PLXDC2: variants seen among roughly 807,000 people sequenced by gnomAD.
The protein encoded by PLXDC2 is plexin domain-containing protein 2.
Under a neutral mutation model 68.9 loss-of-function variants are expected in PLXDC2, and 40 were observed. The observed-to-expected ratio is 0.58, with a 90% CI of 0.45 to 0.76. The LOEUF is 0.76. PLXDC2 is among the 30% of genes least tolerant of loss of function. PLXDC2 has a pLI of 0.00. For synonymous variants in PLXDC2, 243 were observed against 234.2 expected (o/e 1.04, Z -0.34); for missense variants, 644 against 661.9 (o/e 0.97, Z 0.30).
At chr10:20,028,185 G>C (rs770116829) in intron 2 of PLXDC2, among the ~76,000 whole-genome samples, 1 of 152,192 alleles carries the variant, frequency 6.6e-6, no homozygotes, top group Non-Finnish European at 1.5e-5. Flanking sequence ...AGACTGGTCT[G>C]CACGTTGGGA....
At chr10:19,832,861 A>G (rs1378360120) in intron 1 of PLXDC2, among the ~76,000 whole-genome samples, 3 of 152,172 alleles carry the variant, frequency 2.0e-5, no homozygotes, top group African/African-American at 7.2e-5. Flanking sequence ...TGCTAAAAGG[A>G]CGCTTTTGAC....
At chr10:20,220,146 T>A (rs1220862649) in intron 12 of PLXDC2, among the ~76,000 whole-genome samples, 3 of 152,248 alleles carry the variant, frequency 2.0e-5, no homozygotes, top group Non-Finnish European at 4.4e-5. Context: ...TTTATTTCAT[T>A]CATTTCTTAT....
intron 4 of PLXDC2, among the ~76,000 whole-genome samples, chr10:20,127,159 G>A (rs1297930551): frequency 1.3e-5 from 2 of 152,074 alleles, no homozygotes; most frequent in South Asian, 2.1e-4. Context: ...CTGTCTTTGA[G>A]AAAGCAAAGC....
Position 19,896,012 on chromosome 10 carries a change from G to C in PLXDC2, c.112+78821G>C, listed in dbSNP as rs144676549. ...CAGGAAGGTCCTGGAGCAGGTCAAG[G>C]TCGGGGGGCCCTAGCTGACCCTGCA... On this transcript the variant is annotated intron_variant, in intron 1 of 13. Coordinates refer to ENST00000377252, the MANE Select transcript of PLXDC2 (RefSeq NM_032812.9). 2.5e-3 allele frequency among the ~76,000 whole-genome samples: 379 copies of C among 152,290 alleles called. 1 individual carries two copies. The highest frequency in any genetic ancestry group is 8.6e-3 in the African/African-American group (358 of 41,562).
intron 6 of PLXDC2, 143 bp downstream of exon 6, chr10:20,148,045 T>C: frequency 1.6e-6 from 1 of 635,808 alleles, no homozygotes; most frequent in Admixed American, 3.0e-5. Context: ...TAATAAAAAA[T>C]GTTTTGATTA....
chr10:20,243,799 C>A (rs531159756), intron 12 of PLXDC2, among the ~76,000 whole-genome samples: 1 of 152,344 alleles, frequency 6.6e-6, no homozygotes, highest in Admixed American at 6.5e-5. Context: ...AGGCTCACGC[C>A]TGTAATCCCA....
Position 19,816,976 on chromosome 10 carries a change from C to G in PLXDC2, c.-104C>G. 1 of 813,512 alleles carries G rather than the reference C, an allele frequency of 1.2e-6. No individual in the cohort carries two copies. 50.4% of individuals were successfully genotyped at this position (813,512 alleles called of 1,614,324 possible). On this transcript the variant is annotated 5_prime_UTR_variant, in exon 1 of 14. Coordinates refer to ENST00000377252, the MANE Select transcript of PLXDC2 (RefSeq NM_032812.9). Reference sequence around the variant, plus strand: ...ATTTACAAAGGCCTCCGGGTCCTACCGAGACCGATCCGCAGCGTTTGGCCC... The same window carrying G: ...ATTTACAAAGGCCTCCGGGTCCTACGGAGACCGATCCGCAGCGTTTGGCCC...
At chr10:19,928,441 A>G (rs1833575559) in intron 1 of PLXDC2, among the ~76,000 whole-genome samples, 1 of 152,210 alleles carries the variant, frequency 6.6e-6, no homozygotes, top group South Asian at 2.1e-4. Flanking sequence ...CCTTCATTTA[A>G]TTAAGGCTTT....
chr10:20,205,147 GA>G (rs766677398), intron 9 of PLXDC2, among the ~76,000 whole-genome samples: 8 of 152,158 alleles, frequency 5.3e-5, no homozygotes, highest in Middle Eastern at 6.8e-3. Context: ...TTTATCTCTT[GA>G]ATTGATACAT....
At chr10:20,031,323 T>C (rs575679374) in intron 2 of PLXDC2, among the ~76,000 whole-genome samples, 2 of 151,996 alleles carry the variant, frequency 1.3e-5, no homozygotes, top group South Asian at 4.2e-4. Context: ...TGAGACACAA[T>C]TGTGCCACTG....
intron 1 of PLXDC2, among the ~76,000 whole-genome samples, chr10:19,871,429 T>C (rs1837531917): frequency 6.6e-6 from 1 of 152,218 alleles, no homozygotes; most frequent in African/African-American, 2.4e-5. Flanking sequence ...AGAAATTTTA[T>C]TATAAGGTTT....
At position 19,863,751 on chromosome 10, in the gene PLXDC2, A is replaced by G. The variant is rs531298250; in HGVS notation, c.112+46560A>G. Reference sequence around the variant, plus strand: ...CAGTTCAAAGTAATAAATAAGCTGTATGTTGGATGAGAGAGAGTAAAAACC... The same window carrying G: ...CAGTTCAAAGTAATAAATAAGCTGTGTGTTGGATGAGAGAGAGTAAAAACC... On this transcript the variant is annotated intron_variant, in intron 1 of 13. Transcript: ENST00000377252. Among the ~76,000 whole-genome samples the G allele has an allele frequency of 4.6e-5, 7 of 152,360 alleles. No individual in the cohort carries two copies. The East Asian group carries it at 5.8e-4, about 13-fold the overall frequency.
chr10:19,994,953 A>G (rs1272986628), intron 1 of PLXDC2, among the ~76,000 whole-genome samples: 1 of 151,896 alleles, frequency 6.6e-6, no homozygotes, highest in African/African-American at 2.4e-5. Context: ...CACGTTGGCC[A>G]GCCTGGTCTC....
chr10:20,252,230 G>A (rs888826157), intron 13 of PLXDC2, among the ~76,000 whole-genome samples: 1 of 152,148 alleles, frequency 6.6e-6, no homozygotes, highest in Non-Finnish European at 1.5e-5. Context: ...TGCCTATATG[G>A]ACTTCTGAGC....
intron 12 of PLXDC2, among the ~76,000 whole-genome samples, chr10:20,238,167 CATATATATACAAAT>C (rs1835459124): frequency 6.7e-6 from 1 of 149,380 alleles, no homozygotes; most frequent in Admixed American, 6.7e-5. Flanking sequence ...TATGTATATA[CATATATATACAAAT>C]ATATATATAG....
At chr10:20,096,489 T>C (rs749470274) in intron 4 of PLXDC2, among the ~76,000 whole-genome samples, 15 of 151,418 alleles carry the variant, frequency 9.9e-5, no homozygotes, top group Non-Finnish European at 1.8e-4. Flanking sequence ...AAATTATGAG[T>C]ATTTAAACAG....
At chr10:20,236,438 C>T (rs981670553) in intron 12 of PLXDC2, among the ~76,000 whole-genome samples, 14 of 151,792 alleles carry the variant, frequency 9.2e-5, no homozygotes, top group Non-Finnish European at 1.8e-4. Context: ...GAGCGAGACT[C>T]CGTCTAAAAA....
At chr10:19,833,949 T>C (rs1160511140) in intron 1 of PLXDC2, among the ~76,000 whole-genome samples, 1 of 78,894 alleles carries the variant, frequency 1.3e-5, no homozygotes, top group Non-Finnish European at 3.0e-5. Context: ...ATATTTTGCT[T>C]TTTTTTTTTT....
At chr10:19,910,402 T>C (rs1833244885) in intron 1 of PLXDC2, among the ~76,000 whole-genome samples, 2 of 151,790 alleles carry the variant, frequency 1.3e-5, no homozygotes, top group South Asian at 4.2e-4. Flanking sequence ...CACAACTCAA[T>C]AAAGTTGATA....
Sources: gnomAD v4.1 joint callset for allele counts (sites outside exome capture counted in the v4.1 genomes callset) on GRCh38, gnomAD v4.1.1 for gene constraint, MANE v1.5 for transcripts, NCBI Gene and HGNC (gene_info 2026-07-23, HGNC 2026-07-21) for gene names.